RBFOX1: variants seen among roughly 807,000 people sequenced by gnomAD.
RBFOX1 encodes the protein RNA binding fox-1 homolog 1, also known as RNA binding protein fox-1 homolog 1.
In RBFOX1, 8 loss-of-function variants were observed where a neutral mutation model predicts 57.7. That is an observed-to-expected ratio of 0.14 (90% CI 0.08 to 0.25). RBFOX1 has a LOEUF of 0.25. Among genes scored for constraint, RBFOX1 ranks in the 10% least tolerant of loss-of-function variants. The probability of loss-of-function intolerance (pLI) is 1.00; values close to 1 mark genes in which losing one functional copy is unlikely to be tolerated. For synonymous variants in RBFOX1, 326 were observed against 222.4 expected (o/e 1.47, Z -4.15); for missense variants, 611 against 548.5 (o/e 1.11, Z -1.14).
At chr16:7,610,744 C>G (rs2057323744) in intron 10 of RBFOX1, among the ~76,000 whole-genome samples, 2 of 152,222 alleles carry the variant, frequency 1.3e-5, no homozygotes, top group African/African-American at 4.8e-5. Context: ...CACTGAAAGT[C>G]TGGCTGGCTT....
chr16:6,452,072 A>G (rs1222792536), intron 2 of RBFOX1, among the ~76,000 whole-genome samples: 1 of 135,690 alleles, frequency 7.4e-6, no homozygotes, highest in Non-Finnish European at 1.6e-5. Context: ...CCTTCCTTCC[A>G]TGACTCCATC....
At chr16:6,391,168 T>C (rs2152932851) in intron 2 of RBFOX1, among the ~76,000 whole-genome samples, 1 of 152,084 alleles carries the variant, frequency 6.6e-6, no homozygotes, top group East Asian at 1.9e-4. Context: ...GAAGTTTGAG[T>C]TTATTCTAGG....
At chr16:5,887,426 T>G (rs7185363) in intron 4 of RBFOX1, among the ~76,000 whole-genome samples, 108,686 of 152,106 alleles carry the variant, frequency 0.71, 40,241 homozygotes, top group African/African-American at 0.93. Flanking sequence ...TTGTGAGATG[T>G]AGTCTCACTC....
intron 2 of RBFOX1, among the ~76,000 whole-genome samples, chr16:5,483,696 G>A (rs1324255792): frequency 6.6e-6 from 1 of 152,190 alleles, no homozygotes; most frequent in Admixed American, 6.5e-5. Context: ...GCAAAGCACT[G>A]TTGGGTGAAT....
chr16:6,583,121 G>C (rs1372834260), intron 2 of RBFOX1, among the ~76,000 whole-genome samples: 1 of 152,050 alleles, frequency 6.6e-6, no homozygotes, highest in East Asian at 1.9e-4. Context: ...ATCAGAGCCA[G>C]CATTCTCCAC....
At chr16:7,129,416 T>C (rs1258784739) in intron 4 of RBFOX1, among the ~76,000 whole-genome samples, 3 of 152,270 alleles carry the variant, frequency 2.0e-5, no homozygotes, top group South Asian at 4.1e-4. Context: ...AGGAAAGTTA[T>C]TTTCAGAAGA....
chr16:6,770,358 C>T (rs2078080063), intron 3 of RBFOX1, among the ~76,000 whole-genome samples: 2 of 152,112 alleles, frequency 1.3e-5, no homozygotes, highest in Admixed American at 6.5e-5. Context: ...GGTTGGAAAA[C>T]TGCAGCCTGT....
chr16:6,063,700 G>A (rs1473115223), intron 1 of RBFOX1, among the ~76,000 whole-genome samples: 2 of 152,106 alleles, frequency 1.3e-5, no homozygotes, highest in Admixed American at 6.6e-5. Flanking sequence ...GAGAAGTGGG[G>A]TCCTGTCACC....
At chr16:7,164,844 T>A (rs78580861) in intron 4 of RBFOX1, among the ~76,000 whole-genome samples, 7,800 of 152,248 alleles carry the variant, frequency 0.051, 267 homozygotes, top group Middle Eastern at 0.079. Context: ...TTTGTAGACA[T>A]TGTCAGGTAA....
At chr16:5,918,701 A>G (rs890492852) in intron 4 of RBFOX1, among the ~76,000 whole-genome samples, 3 of 152,232 alleles carry the variant, frequency 2.0e-5, no homozygotes, top group Non-Finnish European at 4.4e-5. Context: ...ATGTTACTCC[A>G]GAGTTACAAA....
intron 4 of RBFOX1, among the ~76,000 whole-genome samples, chr16:7,512,622 C>G (rs2075396497): frequency 6.6e-6 from 1 of 152,164 alleles, no homozygotes; most frequent in African/African-American, 2.4e-5. Context: ...CCTTGGCTAC[C>G]ATGGACTCAG....
chr16:7,265,111 A>T (rs898207291), intron 4 of RBFOX1, among the ~76,000 whole-genome samples: 2 of 152,376 alleles, frequency 1.3e-5, no homozygotes, highest in South Asian at 4.1e-4. Context: ...TTGAATTACT[A>T]ATAAAGACTA....
intron 3 of RBFOX1, among the ~76,000 whole-genome samples, chr16:5,745,189 G>A (rs1306946578): frequency 6.6e-6 from 1 of 152,134 alleles, no homozygotes; most frequent in Non-Finnish European, 1.5e-5. Context: ...AGAACATGCA[G>A]TGTTTGGTTT....
chr16:6,899,278 A>ATG (rs1289703978), intron 3 of RBFOX1, among the ~76,000 whole-genome samples: 1 of 151,966 alleles, frequency 6.6e-6, no homozygotes, highest in Admixed American at 6.6e-5. Context: ...GTGTGCATGT[A>ATG]TGTGTGTATA....
intron 1 of RBFOX1, among the ~76,000 whole-genome samples, chr16:6,285,645 C>A (rs1168037252): frequency 6.6e-6 from 1 of 152,120 alleles, no homozygotes; most frequent in Non-Finnish European, 1.5e-5. Flanking sequence ...ATGACCATCA[C>A]GTTGGCTTGA....
At chr16:6,636,953 A>C (rs2098441518) in intron 2 of RBFOX1, among the ~76,000 whole-genome samples, 1 of 128,144 alleles carries the variant, frequency 7.8e-6, no homozygotes, top group Admixed American at 8.7e-5. Flanking sequence ...AATATACATA[A>C]AATATGTATA....
At chr16:7,603,222 A>G (rs1323520115) in intron 9 of RBFOX1, among the ~76,000 whole-genome samples, 2 of 152,204 alleles carry the variant, frequency 1.3e-5, no homozygotes, top group Admixed American at 6.5e-5. Flanking sequence ...GAAGATTGGA[A>G]GGAGACATAA....
intron 2 of RBFOX1, among the ~76,000 whole-genome samples, chr16:6,539,535 C>T (rs1483790196): frequency 2.0e-5 from 3 of 152,108 alleles, no homozygotes; most frequent in African/African-American, 2.4e-5. Flanking sequence ...CAGTGGCTCA[C>T]ACCTATAATC....
chr16:6,565,108 G>T (rs1259109099), intron 2 of RBFOX1, among the ~76,000 whole-genome samples: 1 of 146,502 alleles, frequency 6.8e-6, no homozygotes, highest in Non-Finnish European at 1.5e-5. Flanking sequence ...TCCAGCCTGG[G>T]TGGGGAGACT....
Sources: gnomAD v4.1 joint callset for allele counts (sites outside exome capture counted in the v4.1 genomes callset) on GRCh38, gnomAD v4.1.1 for gene constraint, MANE v1.5 for transcripts, NCBI Gene and HGNC (gene_info 2026-07-23, HGNC 2026-07-21) for gene names.